Variants in DNAH17 observed in about 807,000 individuals in gnomAD.
The protein encoded by DNAH17 is dynein axonemal heavy chain 17.
In DNAH17, 376 loss-of-function variants were observed where a neutral mutation model predicts 485.6. That is an observed-to-expected ratio of 0.77 (90% confidence interval 0.71 to 0.84). The LOEUF (loss-of-function observed/expected upper bound fraction) is 0.84. Among genes scored for constraint, DNAH17 ranks in the 40% least tolerant of loss-of-function variants. DNAH17 has a pLI of 0.00. For missense variants in DNAH17, 6,370 were observed against 5,839.3 expected, an observed-to-expected ratio of 1.09 and a Z score of -2.96; for synonymous variants, 3,031 against 2,405.9, an observed-to-expected ratio of 1.26 and a Z score of -7.60.
At chr17:78,458,898 A>G in intron 61 of DNAH17, 103 bp downstream of exon 61, 2 of 1,315,820 alleles carry the variant, frequency 1.5e-6, no homozygotes, top group Middle Eastern at 1.8e-4. Context: ...TGAATAATTC[A>G]TGACGGCGGG....
intron 37 of DNAH17, 85 bp from the exon 38 acceptor site, chr17:78,496,117 G>A (rs1259705706): frequency 1.4e-6 from 2 of 1,454,876 alleles, no homozygotes; most frequent in Admixed American, 2.4e-5. Context: ...GTTAAAGCAT[G>A]AGGCTGCGAA....
At position 78,525,105 on chromosome 17, in the gene DNAH17, C is replaced by T. The variant is rs1048071830; in HGVS notation, c.3768G>A (p.Gly1256=). The part of the protein sequence containing the change: ...EGIMEALSKS[G]GLFEVPVPDY... ...CTGGGACGGGGACCTCGAACAGGCC[C>T]CCGGACTTGGACAGCGCCTCCATGA... The change falls in exon 25 of 81, where the codon GGG becomes GGA. Residue 1256 remains glycine, a synonymous_variant. Transcript: ENST00000389840. 3.7e-6 allele frequency: 6 copies of T among 1,613,826 alleles called. No individual in the cohort carries two copies. Among genetic ancestry groups the T allele is most frequent in the Non-Finnish European group, 5.1e-6 (6 of 1,179,870 alleles).
rs752289793 is a variant in DNAH17, at chr17:78,543,852, C to G, written c.2532+5G>C. 1.9e-6 allele frequency: 3 copies of G among 1,614,038 alleles called. No homozygotes were observed. In the South Asian group the frequency reaches 3.3e-5, roughly 18 times the overall value. On this transcript the variant is annotated splice_donor_5th_base_variant and intron_variant, in intron 17 of 80. Coordinates refer to ENST00000389840, the MANE Select transcript of DNAH17 (RefSeq NM_173628.4). ...TCTCAAAAAACCTCCTGGGTGTTTC[C>G]TTACTGCAACCATGGCTTGGATCTT...
rs1299437046 is a variant in DNAH17, at chr17:78,427,268, C to T, written c.12589-160G>A. ...AAATGCAGGGTCATGGGTGCAGCCA[C>T]ACATTTGATGAGGAGAGGGAGCCTT... On this transcript the variant is annotated intron_variant, in intron 77 of 80. Coordinates refer to ENST00000389840, the MANE Select transcript of DNAH17 (RefSeq NM_173628.4). 2.1e-5 allele frequency: 14 copies of T among 681,830 alleles called. No individual in the cohort carries two copies. In the East Asian group the frequency reaches 2.2e-4, roughly 11 times the overall value. 42.2% of individuals were successfully genotyped at this position (681,830 alleles called of 1,614,324 possible). A position where few individuals can be genotyped will look rare whatever the true frequency, so the allele number is the denominator to read the frequency against.
chr17:78,426,631 C>G, intron 78 of DNAH17, 31 bp from the exon 79 acceptor site: 1 of 1,570,594 alleles, frequency 6.4e-7, no homozygotes, highest in Non-Finnish European at 8.7e-7. Context: ...TGTGGGGAGC[C>G]CTGAGCTGGG....
chr17:78,501,592 G>T, intron 34 of DNAH17, 150 bp downstream of exon 34: 2 of 1,202,588 alleles, frequency 1.7e-6, no homozygotes, highest in Non-Finnish European at 2.3e-6. Context: ...GGGTGAGTCC[G>T]GGCAAGGAGG....
intron 56 of DNAH17, 115 bp downstream of exon 56, chr17:78,466,540 C>T (rs907801327): frequency 4.4e-5 from 43 of 969,916 alleles, no homozygotes; most frequent in Non-Finnish European, 5.1e-5. Context: ...CCAAGGCGGA[C>T]GCCTCACTTG....
At position 78,540,392 on chromosome 17, in the gene DNAH17, G is replaced by A. The variant is rs573513270; in HGVS notation, c.2533-512C>T. Reference sequence around the variant, plus strand: ...GAATGGGGTGGACGGATAGCTGGATGGATGGATGGGGTTGGTAGATGGGTG... The same window carrying A: ...GAATGGGGTGGACGGATAGCTGGATAGATGGATGGGGTTGGTAGATGGGTG... On this transcript the variant is annotated intron_variant, in intron 17 of 80. Transcript: ENST00000389840. Among the ~76,000 whole-genome samples the A allele has an allele frequency of 2.4e-3, 309 of 126,852 alleles. 2 individuals carry two copies. Among genetic ancestry groups the A allele is most frequent in the African/African-American group, 9.1e-3 (297 of 32,754 alleles). 83.2% of individuals were successfully genotyped at this position (126,852 alleles called of 152,430 possible).
intron 62 of DNAH17, among the ~76,000 whole-genome samples, chr17:78,457,090 G>T (rs1477552918): frequency 6.6e-6 from 1 of 152,280 alleles, no homozygotes; most frequent in African/African-American, 2.4e-5. Context: ...GCATGAAGGG[G>T]CCGGGCGTGG....
rs1237859438 is a variant in DNAH17, at chr17:78,450,835, G to A, written c.10746C>T (p.Thr3582=). 6 of 1,613,958 alleles carry A rather than the reference G, an allele frequency of 3.7e-6. No individual in the cohort carries two copies. The highest frequency in any genetic ancestry group is 1.1e-5 in the South Asian group (1 of 91,086). ...CAATCTTAAATTCGTTTTGAGACTT[G>A]GTGAGGTTTGCCTGCAAGGGGAGGT... ...PDLEQLKANL[T]KSQNEFKIVL... is the part of the protein sequence containing the mutation. The change falls in exon 67 of 81, where the codon ACC becomes ACT. Residue 3582 remains threonine (T), a synonymous_variant. Transcript: ENST00000389840.
intron 62 of DNAH17, 173 bp downstream of exon 62, chr17:78,458,392 T>C: frequency 1.6e-6 from 1 of 617,338 alleles, no homozygotes; most frequent in Non-Finnish European, 2.9e-6. Flanking sequence ...TGGAGGCCAC[T>C]GACTATGCAA....
chr17:78,576,165 GC>G (rs1386901372), intron 1 of DNAH17, among the ~76,000 whole-genome samples: 1 of 152,172 alleles, frequency 6.6e-6, no homozygotes, highest in African/African-American at 2.4e-5. Context: ...CACAAATTCT[GC>G]CTTTTGGTTT....
At chr17:78,485,875 A>G (rs776427560) in intron 46 of DNAH17, 85 bp downstream of exon 46, 6 of 1,574,250 alleles carry the variant, frequency 3.8e-6, no homozygotes, top group Non-Finnish European at 5.2e-6. Context: ...TTGTGTTTGG[A>G]CATTCCGTGC....
intron 26 of DNAH17, among the ~76,000 whole-genome samples, chr17:78,513,390 G>A (rs771327260): frequency 6.6e-6 from 1 of 152,348 alleles, no homozygotes. Flanking sequence ...GCTGTCTCTT[G>A]TAGGGGAAAT....
chr17:78,473,620 C>T (rs1362867649), intron 54 of DNAH17, among the ~76,000 whole-genome samples: 1 of 150,776 alleles, frequency 6.6e-6, no homozygotes, highest in African/African-American at 2.5e-5. Context: ...CAGTGAAATT[C>T]CACAGCCCAG....
In DNAH17 at chr17:78,577,284, A is replaced by C. The variant is rs2092446436; in HGVS notation, c.-26+11T>G. 1 of 152,432 alleles carries C rather than the reference A, an allele frequency of 6.6e-6. No homozygotes were observed. The highest frequency in any genetic ancestry group is 2.4e-5 in the African/African-American group (1 of 41,434). 9.4% of individuals were successfully genotyped at this position (152,432 alleles called of 1,614,324 possible). A position where few individuals can be genotyped will look rare whatever the true frequency, so the allele number is the denominator to read the frequency against. ...CCTCCGACTCCCCCAGCATGGTTGAAGGCCGCTCACCAGCTGAAGGCAAAC... is the reference window on the plus strand; with the variant it reads ...CCTCCGACTCCCCCAGCATGGTTGACGGCCGCTCACCAGCTGAAGGCAAAC... On this transcript the variant is annotated intron_variant, in intron 1 of 80. Transcript: ENST00000389840.
intron 75 of DNAH17, among the ~76,000 whole-genome samples, chr17:78,431,652 G>C (rs562483276): frequency 6.6e-6 from 1 of 152,072 alleles, no homozygotes. Context: ...GTCACTCAGC[G>C]TGTAGCATGA....
rs747939869 is a variant in DNAH17 at position 78,539,718 on chromosome 17, C to T, written c.2676+19G>A. 8.9e-6 allele frequency: 14 copies of T among 1,581,028 alleles called. No individual in the cohort carries two copies. The Admixed American group carries it at 1.6e-4, about 18-fold the overall frequency. On this transcript the variant is annotated intron_variant, in intron 18 of 80. Transcript: ENST00000389840. ...AGAATACATATACATAAATATATTA[C>T]CTTATGTTGATAACTTACATCTATA... is the stretch of plus-strand genomic sequence containing the variant.
chr17:78,549,102 C>T (rs75475790), intron 16 of DNAH17, among the ~76,000 whole-genome samples: 13,442 of 152,272 alleles, frequency 0.088, 747 homozygotes, highest in South Asian at 0.17. Flanking sequence ...ATGAACTGCA[C>T]GTCTGTGTTC....
Sources: allele counts gnomAD v4.1 joint callset (sites outside exome capture counted in the v4.1 genomes callset), GRCh38; gene constraint gnomAD v4.1.1; transcripts MANE v1.5; gene names NCBI Gene and HGNC (gene_info 2026-07-23, HGNC 2026-07-21).